LAMA2: variants seen among roughly 807,000 people sequenced by gnomAD.
LAMA2 encodes the protein laminin subunit alpha-2.
LAMA2 carries 269 observed loss-of-function variants against 364.8 expected under a neutral mutation model. The ratio of observed to expected loss-of-function variants is 0.74; its 90% CI spans 0.67 to 0.82. The LOEUF is 0.82. LAMA2 is among the 40% of genes least tolerant of loss of function. LAMA2 has a pLI of 0.00. For synonymous variants in LAMA2, 1,379 were observed against 1,370.6 expected, an observed-to-expected ratio of 1.01 and a Z score of -0.14; for missense variants, 3,807 against 3,873.2, an observed-to-expected ratio of 0.98 and a Z score of 0.45.
intron 12 of LAMA2, among the ~76,000 whole-genome samples, chr6:129,205,730 ATTAAAC>A (rs1562330393): frequency 6.6e-6 from 1 of 152,138 alleles, no homozygotes; most frequent in East Asian, 1.9e-4. Context: ...TTTTAAATAA[ATTAAAC>A]TTAGGAGGCC....
At chr6:129,499,721 G>A (rs1488809614) in intron 58 of LAMA2, among the ~76,000 whole-genome samples, 2 of 151,776 alleles carry the variant, frequency 1.3e-5, no homozygotes, top group African/African-American at 4.8e-5. Flanking sequence ...AACACATCAT[G>A]TTTTTTTTCT....
intron 41 of LAMA2, among the ~76,000 whole-genome samples, chr6:129,436,203 G>A (rs1781825614): frequency 6.6e-6 from 1 of 152,040 alleles, no homozygotes; most frequent in Non-Finnish European, 1.5e-5. Flanking sequence ...TGTCCCTCAC[G>A]GCACTATTAA....
intron 56 of LAMA2, among the ~76,000 whole-genome samples, chr6:129,489,914 C>A (rs1583870424): frequency 1.6e-5 from 2 of 121,276 alleles, no homozygotes; most frequent in African/African-American, 5.7e-5. Flanking sequence ...CTCTAAGAAT[C>A]AGCCACTGAA....
intron 1 of LAMA2, among the ~76,000 whole-genome samples, chr6:128,898,620 C>T (rs1037908931): frequency 2.6e-5 from 4 of 152,212 alleles, no homozygotes; most frequent in Non-Finnish European, 5.9e-5. Context: ...CTCCCAGCTG[C>T]TCTCCCTTCT....
chr6:129,015,290 C>T lies in LAMA2; in HGVS notation c.113-34628C>T, dbSNP rs543963519. On this transcript the variant is annotated intron_variant, in intron 1 of 64. Coordinates refer to ENST00000421865, the MANE Select transcript of LAMA2 (RefSeq NM_000426.4). Reference sequence around the variant, plus strand: ...CTGCTCTGAGATCATCAAAGTAATGCGTCCATTCTAAGAAGCACTAGTGGC... The same window carrying T: ...CTGCTCTGAGATCATCAAAGTAATGTGTCCATTCTAAGAAGCACTAGTGGC... Among the ~76,000 whole-genome samples the T allele has an allele frequency of 5.3e-5, 8 of 152,072 alleles. No homozygotes were observed. In the East Asian group the frequency reaches 9.7e-4, roughly 18 times the overall value.
intron 40 of LAMA2, among the ~76,000 whole-genome samples, chr6:129,420,356 A>G (rs1437241764): frequency 6.6e-6 from 1 of 152,066 alleles, no homozygotes; most frequent in Non-Finnish European, 1.5e-5. Context: ...TCTGTTACTC[A>G]CTTTACATAA....
chr6:129,395,810 G>A (rs1054177105), intron 37 of LAMA2, among the ~76,000 whole-genome samples: 2 of 152,192 alleles, frequency 1.3e-5, no homozygotes, highest in Non-Finnish European at 2.9e-5. Flanking sequence ...AGAATAAAGA[G>A]AAGAACATTT....
intron 1 of LAMA2, chr6:128,929,127 A>C: frequency 1.4e-6 from 2 of 1,438,624 alleles, no homozygotes; most frequent in Non-Finnish European, 2.0e-6. Flanking sequence ...AGATCCAAAA[A>C]CTCTGGATAG....
At position 129,067,372 on chromosome 6, in the gene LAMA2, AT is replaced by A. The variant is rs780536190; in HGVS notation, c.396+7480del. Reference sequence around the variant, plus strand: ...GAATCTGTGGTTAATTAGAAAATATATTTTCCCTTTAAATGAATTTGTGCTG... The same window carrying A: ...GAATCTGTGGTTAATTAGAAAATATATTTCCCTTTAAATGAATTTGTGCTG... On this transcript the variant is annotated intron_variant, in intron 3 of 64. Transcript: ENST00000421865. Among the ~76,000 whole-genome samples the A allele has an allele frequency of 2.4e-4, 37 of 152,268 alleles. 1 individual carries two copies. In the South Asian group the frequency reaches 3.5e-3, roughly 15 times the overall value.
At chr6:129,487,584 A>T (rs1784655745) in intron 56 of LAMA2, among the ~76,000 whole-genome samples, 1 of 152,204 alleles carries the variant, frequency 6.6e-6, no homozygotes, top group Admixed American at 6.5e-5. Context: ...CAGCCAAGCC[A>T]ATACTATCCT....
intron 45 of LAMA2, among the ~76,000 whole-genome samples, chr6:129,451,825 G>C (rs1246785661): frequency 6.6e-6 from 1 of 152,120 alleles, no homozygotes; most frequent in African/African-American, 2.4e-5. Flanking sequence ...GAGGCTCTTG[G>C]AGACACCTCC....
chr6:129,265,211 A>G (rs772297662), intron 15 of LAMA2, among the ~76,000 whole-genome samples: 56 of 152,130 alleles, frequency 3.7e-4, no homozygotes, highest in Non-Finnish European at 2.8e-4. Flanking sequence ...GAATATGGCA[A>G]CAAGGTTTGG....
Position 129,507,574 on chromosome 6 carries a change from A to AT in LAMA2, c.8790dup (p.Val2931CysfsTer15). 1 of 1,614,194 alleles carries AT rather than the reference A, an allele frequency of 6.2e-7. No homozygotes were observed. Among genetic ancestry groups the AT allele is most frequent in the Non-Finnish European group, 8.5e-7 (1 of 1,179,998 alleles). On this transcript the variant is annotated frameshift_variant, in exon 62 of 65. Transcript: ENST00000421865. LOFTEE classifies it high-confidence loss of function. ...CTGGAACAACCCACCTCCAGCTTCC[A>AT]TGTTGGGACATGTTTTGCAAATGCT...
At chr6:129,466,437 A>C (rs192600035) in intron 51 of LAMA2, among the ~76,000 whole-genome samples, 1 of 152,042 alleles carries the variant, frequency 6.6e-6, no homozygotes, top group East Asian at 1.9e-4. Flanking sequence ...GAGTCATCAG[A>C]GAGAATAACA....
chr6:129,122,360 C>T (rs945341473), intron 4 of LAMA2, among the ~76,000 whole-genome samples: 2 of 152,132 alleles, frequency 1.3e-5, no homozygotes, highest in Admixed American at 6.5e-5. Context: ...AACTGGATTT[C>T]GTTCTGGGGA....
intron 1 of LAMA2, among the ~76,000 whole-genome samples, chr6:128,946,204 AC>A (rs1780473297): frequency 6.6e-6 from 1 of 152,260 alleles, no homozygotes; most frequent in Non-Finnish European, 1.5e-5. Context: ...AGTAATAAAA[AC>A]CAAATACAAA....
At chr6:129,499,175 C>CATT (rs1382551729) in intron 58 of LAMA2, among the ~76,000 whole-genome samples, 1 of 152,174 alleles carries the variant, frequency 6.6e-6, no homozygotes, top group Non-Finnish European at 1.5e-5. Flanking sequence ...CCATTTTCCC[C>CATT]ATTATCTATT....
chr6:129,023,887 T>A (rs1785620141), intron 1 of LAMA2, among the ~76,000 whole-genome samples: 1 of 152,226 alleles, frequency 6.6e-6, no homozygotes, highest in Non-Finnish European at 1.5e-5. Context: ...GGTACCAATT[T>A]TATATCAATA....
intron 28 of LAMA2, 128 bp from the exon 29 acceptor site, chr6:129,328,150 T>C: frequency 1.2e-6 from 1 of 814,656 alleles, no homozygotes; most frequent in Non-Finnish European, 2.2e-6. Flanking sequence ...CACTTGCGTT[T>C]GTAAGTGATG....
Sources: allele counts gnomAD v4.1 joint callset (sites outside exome capture counted in the v4.1 genomes callset), GRCh38; gene constraint gnomAD v4.1.1; transcripts MANE v1.5; gene names NCBI Gene and HGNC (gene_info 2026-07-23, HGNC 2026-07-21).